The following RNF150 variants were observed in gnomAD, a reference collection of about 807,000 sequenced individuals.
RNF150 encodes the protein ring finger protein 150.
RNF150 carries 24 observed loss-of-function variants against 39.3 expected under a neutral mutation model. That is an observed-to-expected ratio of 0.61 (90% CI 0.44 to 0.86). The LOEUF (loss-of-function observed/expected upper bound fraction) is 0.86. RNF150 is among the 40% of genes least tolerant of loss of function. RNF150 has a pLI of 0.00. For synonymous variants in RNF150, 255 were observed against 227.3 expected, an observed-to-expected ratio of 1.12 and a Z score of -1.10; for missense variants, 502 against 587.8, an observed-to-expected ratio of 0.85 and a Z score of 1.51.
At chr4:141,144,635 T>C (rs1241774322) in intron 1 of RNF150, among the ~76,000 whole-genome samples, 5 of 152,022 alleles carry the variant, frequency 3.3e-5, no homozygotes, top group African/African-American at 7.3e-5. Flanking sequence ...CAAAAACGAC[T>C]CCTCCCCTCA....
chr4:141,159,097 GAGA>G (rs1727468591), intron 1 of RNF150, among the ~76,000 whole-genome samples: 1 of 152,226 alleles, frequency 6.6e-6, no homozygotes, highest in African/African-American at 2.4e-5. Context: ...TTTAAATGAA[GAGA>G]AGTTCAACAG....
intron 1 of RNF150, among the ~76,000 whole-genome samples, chr4:141,101,207 T>G (rs1294015513): frequency 6.6e-6 from 1 of 152,260 alleles, no homozygotes; most frequent in Non-Finnish European, 1.5e-5. Flanking sequence ...TTAACTTTTT[T>G]GACTCTTTTG....
At chr4:140,870,237 A>G (rs1422970784) in intron 6 of RNF150, among the ~76,000 whole-genome samples, 1 of 152,216 alleles carries the variant, frequency 6.6e-6, no homozygotes, top group African/African-American at 2.4e-5. Flanking sequence ...AATTGCAGGA[A>G]GTTCATAGCA....
intron 1 of RNF150, among the ~76,000 whole-genome samples, chr4:141,126,091 T>TAC (rs372235467): frequency 1.6e-5 from 1 of 61,410 alleles, no homozygotes. Context: ...GCAAAATAAA[T>TAC]ACATACACAC....
intron 1 of RNF150, among the ~76,000 whole-genome samples, chr4:141,011,265 C>A (rs966212398): frequency 1.3e-4 from 19 of 150,924 alleles, no homozygotes; most frequent in Admixed American, 5.9e-4. Context: ...AAAAAAAAAA[C>A]CTGTGGATTT....
At chr4:140,959,956 A>G (rs191886706) in intron 2 of RNF150, among the ~76,000 whole-genome samples, 67 of 152,272 alleles carry the variant, frequency 4.4e-4, no homozygotes, top group African/African-American at 1.6e-3. Context: ...TGACAATTTT[A>G]GTGTCATCTG....
At chr4:141,199,474 T>C (rs1469998817) in intron 1 of RNF150, among the ~76,000 whole-genome samples, 1 of 152,220 alleles carries the variant, frequency 6.6e-6, no homozygotes, top group East Asian at 1.9e-4. Context: ...GATGACTGGA[T>C]AATCTAACTC....
At chr4:141,081,224 T>C (rs941686375) in intron 1 of RNF150, among the ~76,000 whole-genome samples, 4 of 152,210 alleles carry the variant, frequency 2.6e-5, no homozygotes, top group Non-Finnish European at 5.9e-5. Flanking sequence ...GGCCTTTAGA[T>C]GTTAGTTGAA....
At chr4:141,108,356 C>T (rs1739279034) in intron 1 of RNF150, among the ~76,000 whole-genome samples, 8 of 152,034 alleles carry the variant, frequency 5.3e-5, no homozygotes, top group Admixed American at 5.2e-4. Flanking sequence ...TCCATCTCTC[C>T]GTTGTCAGCT....
chr4:140,937,866 C>T (rs1454820194), intron 4 of RNF150, among the ~76,000 whole-genome samples: 1 of 151,958 alleles, frequency 6.6e-6, no homozygotes, highest in Non-Finnish European at 1.5e-5. Context: ...TTGACCAATT[C>T]ATAACATAGG....
chr4:140,864,397 C>T lies in RNF150; in HGVS notation c.*3864G>A, dbSNP rs774227270. ...AGGAGGTAGCAGTTCCTAAAGGTGA[C>T]CCTAAATTATTTTGAGTGAATGCAA... On this transcript the variant is annotated 3_prime_UTR_variant, in exon 7 of 7. Coordinates refer to ENST00000515673, the MANE Select transcript of RNF150 (RefSeq NM_020724.2). 1 of 152,134 alleles carries T rather than the reference C, an allele frequency of 6.6e-6. No individual in the cohort carries two copies. Among genetic ancestry groups the T allele is most frequent in the Non-Finnish European group, 1.5e-5 (1 of 68,060 alleles). 9.4% of individuals were successfully genotyped at this position (152,134 alleles called of 1,614,324 possible). A position where few individuals can be genotyped will look rare whatever the true frequency, so the allele number is the denominator to read the frequency against.
chr4:141,118,090 T>A (rs1180134184), intron 1 of RNF150, among the ~76,000 whole-genome samples: 2 of 152,132 alleles, frequency 1.3e-5, no homozygotes, highest in Non-Finnish European at 2.9e-5. Flanking sequence ...TATCATTTGG[T>A]CATCTCACTT....
chr4:141,159,052 A>T (rs1183295340), intron 1 of RNF150, among the ~76,000 whole-genome samples: 1 of 152,228 alleles, frequency 6.6e-6, no homozygotes, highest in Non-Finnish European at 1.5e-5. Context: ...TGTAAACTAC[A>T]GCCCCTATTT....
intron 5 of RNF150, 124 bp downstream of exon 5, chr4:140,925,853 A>G: frequency 1.5e-6 from 1 of 689,176 alleles, no homozygotes; most frequent in Non-Finnish European, 2.6e-6. Flanking sequence ...GAGCCTTGTA[A>G]GATGATGTGA....
intron 1 of RNF150, among the ~76,000 whole-genome samples, chr4:141,002,995 A>C (rs970856139): frequency 6.6e-6 from 1 of 152,162 alleles, no homozygotes; most frequent in Non-Finnish European, 1.5e-5. Context: ...AATGCTTAAA[A>C]TATATTTGCT....
chr4:140,892,440 G>A (rs1729786854), intron 6 of RNF150, among the ~76,000 whole-genome samples: 1 of 152,222 alleles, frequency 6.6e-6, no homozygotes, highest in Non-Finnish European at 1.5e-5. Context: ...TCACCAGCCT[G>A]TGCTGGCTGC....
At chr4:141,009,641 T>A (rs1735001123) in intron 1 of RNF150, among the ~76,000 whole-genome samples, 1 of 152,246 alleles carries the variant, frequency 6.6e-6, no homozygotes, top group Non-Finnish European at 1.5e-5. Flanking sequence ...ATTGTCATCC[T>A]ATTTATTTTT....
At chr4:141,128,059 T>G (rs1027599865) in intron 1 of RNF150, among the ~76,000 whole-genome samples, 1 of 152,150 alleles carries the variant, frequency 6.6e-6, no homozygotes, top group Non-Finnish European at 1.5e-5. Flanking sequence ...ACAAACAAAT[T>G]GGCACCACTG....
intron 1 of RNF150, among the ~76,000 whole-genome samples, chr4:141,040,128 C>T (rs1458265838): frequency 6.6e-6 from 1 of 151,598 alleles, no homozygotes; most frequent in Non-Finnish European, 1.5e-5. Context: ...CGATTTCTAT[C>T]CTGGAAGACT....
Sources: gnomAD v4.1 joint callset for allele counts (sites outside exome capture counted in the v4.1 genomes callset) on GRCh38, gnomAD v4.1.1 for gene constraint, MANE v1.5 for transcripts, NCBI Gene and HGNC (gene_info 2026-07-23, HGNC 2026-07-21) for gene names.